The following LRP5 variants were observed in gnomAD, a reference collection of about 807,000 sequenced individuals.
The protein encoded by LRP5 is LDL receptor related protein 5, also known as low-density lipoprotein receptor-related protein 5.
In LRP5, 62 loss-of-function variants were observed where a neutral mutation model predicts 154.1. The ratio of observed to expected loss-of-function variants is 0.40; its 90% CI spans 0.33 to 0.50. LRP5 has a LOEUF of 0.50. LRP5 is among the 20% of genes least tolerant of loss of function. The pLI, the probability that LRP5 is intolerant of heterozygous loss-of-function variation, is 0.55. For missense variants in LRP5, 1,915 were observed against 2,336.7 expected (o/e 0.82, Z 3.72); for synonymous variants, 966 against 1,011.5 (o/e 0.96, Z 0.85).
In LRP5 at chr11:68,409,051, G is replaced by GGAAAAA. The variant is rs1395621273; in HGVS notation, c.2092-863_2092-862insGAAAAA. Among the ~76,000 whole-genome samples the GGAAAAA allele has an allele frequency of 3.3e-4, 17 of 51,428 alleles. 1 individual carries two copies. Among genetic ancestry groups the GGAAAAA allele is most frequent in the African/African-American group, 1.1e-3 (12 of 10,990 alleles). The allele number at this position is 51,428 out of a possible 152,430, so 33.7% of individuals were successfully genotyped here. ...AGCGACAGAGCAAGACTTATCTGGG[G>GGAAAAA]AAAAAAAAAAAAAAAAAAAAAAATA... On this transcript the variant is annotated intron_variant, in intron 9 of 22. Transcript: ENST00000294304.
At chr11:68,347,293 C>G (rs2098613870) in intron 1 of LRP5, among the ~76,000 whole-genome samples, 1 of 152,218 alleles carries the variant, frequency 6.6e-6, no homozygotes, top group African/African-American at 2.4e-5. Flanking sequence ...GAAGCTGATG[C>G]CACGGCCAAG....
chr11:68,392,425 G>A (rs1210120106), intron 7 of LRP5, among the ~76,000 whole-genome samples: 8 of 152,030 alleles, frequency 5.3e-5, no homozygotes, highest in African/African-American at 9.7e-5. Context: ...AATCGCTTGA[G>A]CCCGGGAGGT....
chr11:68,392,990 G>A (rs1469911088), intron 7 of LRP5, among the ~76,000 whole-genome samples: 1 of 152,022 alleles, frequency 6.6e-6, no homozygotes, highest in African/African-American at 2.4e-5. Flanking sequence ...ACTGAACGTG[G>A]TGGTGGTGGG....
chr11:68,368,415 C>T (rs1211896212), intron 5 of LRP5, among the ~76,000 whole-genome samples: 2 of 152,230 alleles, frequency 1.3e-5, no homozygotes, highest in Admixed American at 6.5e-5. Flanking sequence ...AGGAACAGCA[C>T]GTGCAGCGGC....
At position 68,423,192 on chromosome 11, in the gene LRP5, A is replaced by G. The variant is rs1327469420; in HGVS notation, c.3028-297A>G. On this transcript the variant is annotated intron_variant, in intron 13 of 22. Transcript: ENST00000294304. This position sits in a 1 kb window ranked among gnomAD's most constrained non-coding sequence, Gnocchi z 4.7. ...GAGGCCTAAAGTCCGAGGCGGCAAG[A>G]GCTCTTCCAGAGGCTGTTGTCCTAA... Among the ~76,000 whole-genome samples, 1 of 152,128 alleles carries G rather than the reference A, an allele frequency of 6.6e-6. No individual in the cohort carries two copies. The highest frequency in any genetic ancestry group is 1.9e-4 in the East Asian group (1 of 5,190).
chr11:68,343,830 G>A (rs2098610555), intron 1 of LRP5, among the ~76,000 whole-genome samples: 1 of 152,268 alleles, frequency 6.6e-6, no homozygotes, highest in Non-Finnish European at 1.5e-5. Context: ...CCTCGCGGCT[G>A]CCATCTCATC....
chr11:68,418,851 A>G (rs2098663996), intron 13 of LRP5, among the ~76,000 whole-genome samples: 1 of 152,072 alleles, frequency 6.6e-6, no homozygotes, highest in Non-Finnish European at 1.5e-5. Flanking sequence ...CTTTGGAGAG[A>G]GGGACGTGTT....
rs907720009 is a variant in LRP5, at chr11:68,334,780, C to T, written c.92-13067C>T. Among the ~76,000 whole-genome samples the T allele has an allele frequency of 2.0e-5, 3 of 152,072 alleles. No homozygotes were observed. The South Asian group carries it at 6.2e-4, about 32-fold the overall frequency. ...CCCAGCTACTTGGGAGGCTGAGAATCACTTGAACCTGGGAGGCGGAGGTTG... is the reference window on the plus strand; with the variant it reads ...CCCAGCTACTTGGGAGGCTGAGAATTACTTGAACCTGGGAGGCGGAGGTTG... On this transcript the variant is annotated intron_variant, in intron 1 of 22. Coordinates refer to ENST00000294304, the MANE Select transcript of LRP5 (RefSeq NM_002335.4).
intron 1 of LRP5, among the ~76,000 whole-genome samples, chr11:68,343,545 C>T (rs1325442692): frequency 3.9e-5 from 6 of 152,176 alleles, no homozygotes; most frequent in Non-Finnish European, 7.4e-5. Context: ...CAGTTGGCCT[C>T]ATTCACAAAA....
In LRP5 at chr11:68,386,521, G is replaced by A. The variant is rs150970251; in HGVS notation, c.1221G>A (p.Ala407=). 3.9e-4 allele frequency: 632 copies of A among 1,613,854 alleles called. 3 individuals are homozygous for A. Among genetic ancestry groups the A allele is most frequent in the African/African-American group, 2.2e-3 (168 of 75,016 alleles). The part of the protein sequence containing the change: ...IRRAYLDGSG[A]QTLVNTEIND... Reference sequence around the variant, plus strand: ...GGGCGTACCTGGACGGGTCTGGGGCGCAGACGCTGGTCAACACCGAGATCA... The same window carrying A: ...GGGCGTACCTGGACGGGTCTGGGGCACAGACGCTGGTCAACACCGAGATCA... The change falls in exon 6 of 23, where the codon GCG becomes GCA. Residue 407 remains alanine (A), a synonymous_variant. Transcript: ENST00000294304. This position sits in a 1 kb window ranked among gnomAD's most constrained non-coding sequence, Gnocchi z 7.9.
chr11:68,442,888 AGTTT>A (rs1363060285), intron 21 of LRP5, among the ~76,000 whole-genome samples: 6 of 152,034 alleles, frequency 3.9e-5, no homozygotes, highest in Non-Finnish European at 8.8e-5. Context: ...CGCACCCTGA[AGTTT>A]GTTCTGTTTT....
At position 68,447,036 on chromosome 11, in the gene LRP5, C is replaced by T; in HGVS notation, c.4586+503C>T. ...ACTTGCCACAGTGGCCTGTTTGAGC[C>T]CGGGAAGCCAACGGGGCTGCTCAGC... is the stretch of plus-strand genomic sequence containing the variant. On this transcript the variant is annotated intron_variant, in intron 22 of 22. Transcript: ENST00000294304. The surrounding 1 kb of genome is among the most constrained non-coding windows in gnomAD (Gnocchi z 4.3). The T allele has an allele frequency of 5.3e-6, 1 of 187,136 alleles. No homozygotes were observed. Among genetic ancestry groups the T allele is most frequent in the Non-Finnish European group, 1.1e-5 (1 of 88,064 alleles). 11.6% of individuals were successfully genotyped at this position (187,136 alleles called of 1,614,324 possible).
intron 7 of LRP5, among the ~76,000 whole-genome samples, chr11:68,400,736 AT>A (rs2098652202): frequency 6.6e-6 from 1 of 152,046 alleles, no homozygotes; most frequent in Non-Finnish European, 1.5e-5. Flanking sequence ...CTCAAAAAAA[AT>A]AAATAAATAA....
intron 1 of LRP5, among the ~76,000 whole-genome samples, chr11:68,343,122 C>T (rs555240471): frequency 1.6e-3 from 241 of 152,342 alleles, no homozygotes; most frequent in African/African-American, 5.1e-3. Flanking sequence ...CTGGGGCCAG[C>T]GTCTGCCTGG....
intron 18 of LRP5, among the ~76,000 whole-genome samples, chr11:68,434,765 G>A (rs185450573): frequency 1.5e-4 from 21 of 140,500 alleles, no homozygotes; most frequent in African/African-American, 4.8e-4. Flanking sequence ...CTGAGGAGCT[G>A]TTGATGCCCT....
In LRP5 at chr11:68,414,043, T is replaced by A. The variant is rs760868536; in HGVS notation, c.2827+31T>A. The A allele has an allele frequency of 9.5e-6, 15 of 1,586,098 alleles. No homozygotes were observed. The East Asian group carries it at 3.4e-4, about 36-fold the overall frequency. ...TGCCTCATGGTCCCCCGCACCTCAC[T>A]CCCTCGTTAGATCAGGCTGGTTCTG... On this transcript the variant is annotated intron_variant, in intron 12 of 22. Transcript: ENST00000294304.
chr11:68,385,970 A>T lies in LRP5; in HGVS notation c.1016-346A>T, dbSNP rs1591260965. Among the ~76,000 whole-genome samples the T allele has an allele frequency of 2.0e-5, 3 of 151,908 alleles. No individual in the cohort carries two copies. In the East Asian group the frequency reaches 5.8e-4, roughly 29 times the overall value. ...GTTGGGGCTGGTTTGTGGCCAGGAG[A>T]GGGGCTGGCAGGAGACAAGGGGGAC... On this transcript the variant is annotated intron_variant, in intron 5 of 22. Coordinates refer to ENST00000294304, the MANE Select transcript of LRP5 (RefSeq NM_002335.4).
At chr11:68,316,288 T>A (rs1472412632) in intron 1 of LRP5, among the ~76,000 whole-genome samples, 1 of 152,126 alleles carries the variant, frequency 6.6e-6, no homozygotes, top group Non-Finnish European at 1.5e-5. Flanking sequence ...TATTTTTTTT[T>A]TGAAATGGAG....
At position 68,312,723 on chromosome 11, in the gene LRP5, AGCGCCGCCC is replaced by A; in HGVS notation, c.11_19del (p.Ala4_Pro6del). Reference sequence around the variant, plus strand: ...TCCGGCCGCCGGACAACATGGAGGCAGCGCCGCCCGGGCCGCCGTGGCCGCTGCTGCTGC... The same window carrying A: ...TCCGGCCGCCGGACAACATGGAGGCAGGGCCGCCGTGGCCGCTGCTGCTGC... On this transcript the variant is annotated inframe_deletion, in exon 1 of 23. Coordinates refer to ENST00000294304, the MANE Select transcript of LRP5 (RefSeq NM_002335.4). 2.9e-6 allele frequency: 3 copies of A among 1,043,516 alleles called. No homozygotes were observed. In the South Asian group the frequency reaches 1.0e-4, roughly 35 times the overall value. 64.6% of individuals were successfully genotyped at this position (1,043,516 alleles called of 1,614,324 possible).
Sources: allele counts gnomAD v4.1 joint callset (sites outside exome capture counted in the v4.1 genomes callset), GRCh38; gene constraint gnomAD v4.1.1; non-coding constraint Gnocchi (gnomAD v3.1); transcripts MANE v1.5; gene names NCBI Gene and HGNC (gene_info 2026-07-23, HGNC 2026-07-21).